NRCAM: variants seen among roughly 807,000 people sequenced by gnomAD.
NRCAM encodes neuronal cell adhesion molecule, also known as NgCAM-related cell adhesion molecule.
A neutral mutation model predicts 156.5 loss-of-function variants in NRCAM; 83 were observed. The observed-to-expected ratio is 0.53, with a 90% CI of 0.44 to 0.64. The LOEUF (loss-of-function observed/expected upper bound fraction) is 0.64. NRCAM is among the 30% of genes least tolerant of loss of function. NRCAM has a pLI of 0.00. For missense variants in NRCAM, 1,417 were observed against 1,597.3 expected, an observed-to-expected ratio of 0.89 and a Z score of 1.92; for synonymous variants, 538 against 563.9, an observed-to-expected ratio of 0.95 and a Z score of 0.65.
chr7:108,325,321 C>T (rs1462957904), intron 2 of NRCAM, among the ~76,000 whole-genome samples: 1 of 152,126 alleles, frequency 6.6e-6, no homozygotes, highest in Non-Finnish European at 1.5e-5. Context: ...TTCATTCTAT[C>T]TATGAAGTGG....
intron 24 of NRCAM, among the ~76,000 whole-genome samples, chr7:108,180,719 G>A (rs2062965457): frequency 6.6e-6 from 1 of 152,072 alleles, no homozygotes; most frequent in South Asian, 2.1e-4. Flanking sequence ...TAGAACATGA[G>A]GCAAATGGAG....
chr7:108,353,708 C>G (rs2099449756), intron 2 of NRCAM, among the ~76,000 whole-genome samples: 1 of 152,218 alleles, frequency 6.6e-6, no homozygotes, highest in South Asian at 2.1e-4. Context: ...TTATTTTATG[C>G]TATGTCCCCA....
chr7:108,214,296 G>C (rs1348431251), intron 11 of NRCAM, among the ~76,000 whole-genome samples: 1 of 152,120 alleles, frequency 6.6e-6, no homozygotes, highest in African/African-American at 2.4e-5. Flanking sequence ...TCTATTCAGG[G>C]ATTTGACTTC....
intron 27 of NRCAM, 22 bp downstream of exon 27, chr7:108,176,408 A>G (rs768142182): frequency 6.3e-7 from 1 of 1,596,738 alleles, no homozygotes; most frequent in East Asian, 2.2e-5. Context: ...AATTATATGG[A>G]TTTTATACAT....
intron 3 of NRCAM, among the ~76,000 whole-genome samples, chr7:108,269,921 G>C (rs989836361): frequency 2.0e-5 from 3 of 152,172 alleles, no homozygotes; most frequent in African/African-American, 4.8e-5. Flanking sequence ...AGAAATCTTA[G>C]CAAAGCTTCC....
intron 3 of NRCAM, among the ~76,000 whole-genome samples, chr7:108,266,477 C>T (rs143005324): frequency 1.2e-3 from 187 of 152,308 alleles, no homozygotes; most frequent in African/African-American, 4.1e-3. Context: ...AGGTAATCAG[C>T]CACTGCACAT....
chr7:108,215,340 G>A (rs1443158340), intron 11 of NRCAM, among the ~76,000 whole-genome samples: 1 of 151,068 alleles, frequency 6.6e-6, no homozygotes, highest in African/African-American at 2.4e-5. Flanking sequence ...AGCCTCCCAA[G>A]TAGCTGGGAC....
chr7:108,174,164 G>A (rs1428519909), intron 28 of NRCAM, among the ~76,000 whole-genome samples: 2 of 152,182 alleles, frequency 1.3e-5, no homozygotes, highest in Admixed American at 6.5e-5. Context: ...ATCGCTCTGT[G>A]ATATAGAAAT....
intron 29 of NRCAM, 34 bp downstream of exon 29, chr7:108,168,243 A>C (rs1047284019): frequency 2.0e-6 from 3 of 1,477,928 alleles, no homozygotes; most frequent in African/African-American, 2.9e-5. Context: ...TGCATCCCCC[A>C]AATTAAAAAT....
intron 2 of NRCAM, among the ~76,000 whole-genome samples, chr7:108,395,596 GC>G: frequency 6.6e-6 from 1 of 152,290 alleles, no homozygotes; most frequent in African/African-American, 2.4e-5. Context: ...ACTCACCCAT[GC>G]CTTCCACTTC....
intron 3 of NRCAM, among the ~76,000 whole-genome samples, chr7:108,301,920 G>A (rs908274385): frequency 2.0e-5 from 3 of 151,896 alleles, no homozygotes; most frequent in African/African-American, 7.3e-5. Flanking sequence ...CTTTGTACAT[G>A]CTCTAGGGTT....
chr7:108,152,116 T>A (rs1041045559), intron 32 of NRCAM, among the ~76,000 whole-genome samples: 1 of 152,014 alleles, frequency 6.6e-6, no homozygotes, highest in Non-Finnish European at 1.5e-5. Context: ...ACAATCAACA[T>A]AATAAAAAAA....
intron 31 of NRCAM, 118 bp downstream of exon 31, chr7:108,160,243 C>G (rs772631142): frequency 2.0e-6 from 2 of 993,016 alleles, no homozygotes; most frequent in Admixed American, 4.7e-5. Context: ...AGAGAAAGTC[C>G]AAACTCATGG....
chr7:108,150,212 A>G (rs2040441493), intron 32 of NRCAM, 65 bp from the exon 33 acceptor site: 1 of 1,322,098 alleles, frequency 7.6e-7, no homozygotes, highest in Non-Finnish European at 1.1e-6. Context: ...GTTTTTAAAG[A>G]CCATGCATGC....
chr7:108,444,191 G>A (rs2154486644), intron 1 of NRCAM, among the ~76,000 whole-genome samples: 1 of 152,216 alleles, frequency 6.6e-6, no homozygotes, highest in African/African-American at 2.4e-5. Context: ...TAAGTATATG[G>A]AAGGATGTAT....
In NRCAM at chr7:108,184,451, G is replaced by A. The variant is rs369062149; in HGVS notation, c.2199C>T (p.Ser733=). The change falls in exon 21 of 33, where the codon AGC becomes AGT. Residue 733 remains serine, a synonymous_variant. Transcript: ENST00000379028. The stretch of plus-strand genomic sequence containing the variant: ...TCGTCAAATACTGCTCAGACGCCTC[G>A]CTGGGCAAGCTCTTCCCAATGCTGT... ...AVNSIGKSLP[S]EASEQYLTKA... 3.1e-6 allele frequency: 5 copies of A among 1,614,010 alleles called. No homozygotes were observed. Among genetic ancestry groups the A allele is most frequent in the South Asian group, 2.2e-5 (2 of 91,084 alleles).
chr7:108,326,480 T>C (rs181759325), intron 2 of NRCAM, among the ~76,000 whole-genome samples: 1 of 152,144 alleles, frequency 6.6e-6, no homozygotes, highest in African/African-American at 2.4e-5. Context: ...CAGTATAGTA[T>C]CTCTAGCAAG....
intron 2 of NRCAM, among the ~76,000 whole-genome samples, chr7:108,371,173 AT>A (rs533142767): frequency 5.6e-4 from 86 of 152,322 alleles, no homozygotes; most frequent in Admixed American, 3.4e-3. Flanking sequence ...TAGTTGTAGG[AT>A]GAGAATTAAT....
intron 2 of NRCAM, among the ~76,000 whole-genome samples, chr7:108,330,282 G>T (rs1271310937): frequency 6.6e-6 from 1 of 152,074 alleles, no homozygotes; most frequent in Non-Finnish European, 1.5e-5. Flanking sequence ...ACACCAACTT[G>T]AAAAAAGGTT....
Sources: gnomAD v4.1 joint callset for allele counts (sites outside exome capture counted in the v4.1 genomes callset) on GRCh38, gnomAD v4.1.1 for gene constraint, MANE v1.5 for transcripts, NCBI Gene and HGNC (gene_info 2026-07-23, HGNC 2026-07-21) for gene names.